The following PTPRD variants were observed in gnomAD, a reference collection of about 807,000 sequenced individuals.
PTPRD encodes receptor-type tyrosine-protein phosphatase delta.
PTPRD carries 34 observed loss-of-function variants against 214.5 expected under a neutral mutation model. That is an observed-to-expected ratio of 0.16 (90% CI 0.12 to 0.21). PTPRD has a LOEUF of 0.21. PTPRD is among the 10% of genes least tolerant of loss of function. The pLI is 1.00. For synonymous variants in PTPRD, 1,128 were observed against 845.7 expected, an observed-to-expected ratio of 1.33 and a Z score of -5.79; for missense variants, 2,545 against 2,398.7, an observed-to-expected ratio of 1.06 and a Z score of -1.27.
chr9:9,932,306 G>C (rs936107460), intron 5 of PTPRD, among the ~76,000 whole-genome samples: 8 of 145,262 alleles, frequency 5.5e-5, no homozygotes, highest in African/African-American at 2.1e-4. Context: ...TCAAACCAAA[G>C]GCAAAGAAGT....
chr9:9,751,176 TA>T (rs34108090), intron 6 of PTPRD, among the ~76,000 whole-genome samples: 13,517 of 150,052 alleles, frequency 0.09, 776 homozygotes, highest in South Asian at 0.17. Flanking sequence ...GTATTGAACT[TA>T]AAAAAAATAT....
At chr9:8,654,888 T>C (rs369494467) in intron 12 of PTPRD, among the ~76,000 whole-genome samples, 1 of 152,162 alleles carries the variant, frequency 6.6e-6, no homozygotes, top group African/African-American at 2.4e-5. Context: ...GACCCTAATA[T>C]GTGATATTAT....
At position 9,578,045 on chromosome 9, in the gene PTPRD, C is replaced by CAAAAAAAAA. The variant is rs34128512; in HGVS notation, c.-286-3273_-286-3265dup. Among the ~76,000 whole-genome samples, 2 of 102,392 alleles carry CAAAAAAAAA rather than the reference C, an allele frequency of 2.0e-5. 1 individual carries two copies. The allele number at this position is 102,392 out of a possible 152,430, so 67.2% of individuals were successfully genotyped here. ...TTGGTGACAGAGTAAGACTCTGTCT[C>CAAAAAAAAA]AAAAAAAAAAAAAAAAAAAAAAAAA... On this transcript the variant is annotated intron_variant, in intron 7 of 45. Coordinates refer to ENST00000381196, the MANE Select transcript of PTPRD (RefSeq NM_002839.4).
chr9:9,748,016 T>C (rs2098475742), intron 6 of PTPRD, among the ~76,000 whole-genome samples: 1 of 152,098 alleles, frequency 6.6e-6, no homozygotes, highest in Non-Finnish European at 1.5e-5. Context: ...CACGTGGAGA[T>C]CACAGCTCTT....
chr9:9,668,131 A>C (rs888185030), intron 7 of PTPRD, among the ~76,000 whole-genome samples: 9 of 152,156 alleles, frequency 5.9e-5, no homozygotes, highest in African/African-American at 2.2e-4. Context: ...GTATCATCTG[A>C]ATAAGAAGCC....
chr9:10,529,075 C>T (rs541757789), intron 2 of PTPRD, among the ~76,000 whole-genome samples: 1 of 152,150 alleles, frequency 6.6e-6, no homozygotes, highest in East Asian at 1.9e-4. Flanking sequence ...AATTCATTTT[C>T]ATGACAATGA....
chr9:9,812,502 G>T (rs747124563), intron 5 of PTPRD, among the ~76,000 whole-genome samples: 9 of 152,134 alleles, frequency 5.9e-5, no homozygotes, highest in Non-Finnish European at 7.4e-5. Context: ...CATGGAAATG[G>T]TAACCAAAAG....
intron 12 of PTPRD, among the ~76,000 whole-genome samples, chr9:8,675,185 T>G (rs1426973710): frequency 6.6e-6 from 1 of 152,054 alleles, no homozygotes; most frequent in African/African-American, 2.4e-5. Flanking sequence ...CCACCCGGGT[T>G]TGAAATCTGG....
chr9:10,157,717 C>T (rs73396353), intron 3 of PTPRD, among the ~76,000 whole-genome samples: 5,477 of 152,140 alleles, frequency 0.036, 105 homozygotes, highest in South Asian at 0.062. Context: ...GGATGATATC[C>T]GAAAATATGT....
At chr9:9,291,244 C>A (rs1384270883) in intron 9 of PTPRD, among the ~76,000 whole-genome samples, 1 of 151,400 alleles carries the variant, frequency 6.6e-6, no homozygotes, top group African/African-American at 2.4e-5. Flanking sequence ...TTTCATCATA[C>A]AGTATCAGCC....
intron 5 of PTPRD, among the ~76,000 whole-genome samples, chr9:9,877,666 A>C (rs1782184037): frequency 6.6e-6 from 1 of 152,070 alleles, no homozygotes; most frequent in Non-Finnish European, 1.5e-5. Flanking sequence ...GTTTTGATTA[A>C]GTGTACAAAC....
Position 8,492,035 on chromosome 9 carries a change from T to A in PTPRD, c.2467+827A>T, listed in dbSNP as rs545558490. Among the ~76,000 whole-genome samples, 7 of 152,352 alleles carry A rather than the reference T, an allele frequency of 4.6e-5. No individual in the cohort carries two copies. In the South Asian group the frequency reaches 1.4e-3, roughly 32 times the overall value. Reference sequence around the variant, plus strand: ...TTTCCTTCATGCTGGCTTTTCCTACTGTGGCTGACCAAAGTCATCCTAAAA... The same window carrying A: ...TTTCCTTCATGCTGGCTTTTCCTACAGTGGCTGACCAAAGTCATCCTAAAA... On this transcript the variant is annotated intron_variant, in intron 27 of 45. Coordinates refer to ENST00000381196, the MANE Select transcript of PTPRD (RefSeq NM_002839.4).
chr9:9,625,553 A>ATTTTT (rs61688647), intron 7 of PTPRD, among the ~76,000 whole-genome samples: 21 of 142,874 alleles, frequency 1.5e-4, no homozygotes, highest in Non-Finnish European at 1.2e-4. Flanking sequence ...TTGTTCCTCT[A>ATTTTT]TTTTTTTTTT....
intron 11 of PTPRD, among the ~76,000 whole-genome samples, chr9:8,775,176 C>T (rs777654589): frequency 2.0e-5 from 3 of 152,060 alleles, no homozygotes; most frequent in Non-Finnish European, 2.9e-5. Flanking sequence ...ATGTCTCATA[C>T]GTCAGAGCAA....
At chr9:10,431,735 G>T (rs1201015679) in intron 2 of PTPRD, among the ~76,000 whole-genome samples, 2 of 152,088 alleles carry the variant, frequency 1.3e-5, no homozygotes, top group Non-Finnish European at 2.9e-5. Context: ...ACCACAATGA[G>T]ATACCATCTC....
intron 4 of PTPRD, among the ~76,000 whole-genome samples, chr9:9,983,664 C>T (rs1307711298): frequency 1.3e-5 from 2 of 152,204 alleles, no homozygotes; most frequent in Non-Finnish European, 2.9e-5. Flanking sequence ...ACTCTCTCTA[C>T]TTCAATTCTG....
At chr9:9,315,654 T>C (rs1236850040) in intron 9 of PTPRD, among the ~76,000 whole-genome samples, 2 of 151,728 alleles carry the variant, frequency 1.3e-5, no homozygotes, top group Non-Finnish European at 2.9e-5. Context: ...TTAACTTTCA[T>C]CTCATAATAA....
At chr9:8,399,789 C>T (rs1018757584) in intron 36 of PTPRD, among the ~76,000 whole-genome samples, 34 of 152,144 alleles carry the variant, frequency 2.2e-4, no homozygotes, top group African/African-American at 7.5e-4. Flanking sequence ...ATTTCAAAAG[C>T]CGCTCTGGGC....
intron 11 of PTPRD, among the ~76,000 whole-genome samples, chr9:8,846,842 G>A (rs1043728300): frequency 4.6e-5 from 7 of 152,154 alleles, no homozygotes; most frequent in African/African-American, 1.4e-4. Context: ...AATATTTCAT[G>A]CTTTTTACAG....
Sources: gnomAD v4.1 joint callset for allele counts (sites outside exome capture counted in the v4.1 genomes callset) on GRCh38, gnomAD v4.1.1 for gene constraint, MANE v1.5 for transcripts, NCBI Gene and HGNC (gene_info 2026-07-23, HGNC 2026-07-21) for gene names.